The following NGLY1 variants were observed in gnomAD, a reference collection of about 807,000 sequenced individuals.
NGLY1 encodes the protein N-glycanase 1.
In NGLY1, 68 loss-of-function variants were observed where a neutral mutation model predicts 84.6. The ratio of observed to expected loss-of-function variants is 0.80; its 90% CI spans 0.66 to 0.98. The LOEUF (loss-of-function observed/expected upper bound fraction) is 0.98, where lower values mean the gene tolerates loss of function less well. NGLY1 is among the 50% of genes least tolerant of loss of function. The pLI, the probability that NGLY1 is intolerant of heterozygous loss-of-function variation, is 0.00. For synonymous variants in NGLY1, 280 were observed against 275.2 expected, an observed-to-expected ratio of 1.02 and a Z score of -0.17; for missense variants, 779 against 770.2, an observed-to-expected ratio of 1.01 and a Z score of -0.14.
chr3:25,733,485 G>A (rs1000975982), intron 8 of NGLY1, among the ~76,000 whole-genome samples: 77 of 148,290 alleles, frequency 5.2e-4, no homozygotes, highest in African/African-American at 1.7e-3. Flanking sequence ...GTGTGTGTGT[G>A]TGTGTGTGTG....
At chr3:25,740,866 G>T (rs3947578) in intron 4 of NGLY1, among the ~76,000 whole-genome samples, 2 of 151,928 alleles carry the variant, frequency 1.3e-5, no homozygotes, top group Non-Finnish European at 2.9e-5. Context: ...GCGGCTCACA[G>T]CTCTAATCCC....
chr3:25,731,238 C>T (rs1237227345), intron 9 of NGLY1, among the ~76,000 whole-genome samples: 1 of 152,028 alleles, frequency 6.6e-6, no homozygotes, highest in Non-Finnish European at 1.5e-5. Flanking sequence ...ATAAAGTTTT[C>T]ATCTGGAGAG....
intron 2 of NGLY1, among the ~76,000 whole-genome samples, chr3:25,775,710 G>A (rs1278536839): frequency 6.6e-6 from 1 of 152,188 alleles, no homozygotes; most frequent in Non-Finnish European, 1.5e-5. Flanking sequence ...AAGGGACTGG[G>A]CAATAGAAAG....
chr3:25,751,890 G>C (rs1036389539), intron 3 of NGLY1, among the ~76,000 whole-genome samples: 6 of 152,134 alleles, frequency 3.9e-5, no homozygotes, highest in African/African-American at 1.4e-4. Context: ...GTCTGCCTCT[G>C]AGCAGTAAGT....
intron 10 of NGLY1, among the ~76,000 whole-genome samples, chr3:25,725,983 A>G (rs1239429915): frequency 6.6e-6 from 1 of 152,208 alleles, no homozygotes; most frequent in African/African-American, 2.4e-5. Context: ...ATTCACCATT[A>G]CATCAGACTG....
In NGLY1 at chr3:25,783,129, A is replaced by T; in HGVS notation, c.131+131T>A. The T allele has an allele frequency of 1.2e-6, 1 of 814,436 alleles. No homozygotes were observed. The highest frequency in any genetic ancestry group is 1.9e-6 in the Non-Finnish European group (1 of 530,292). 50.5% of individuals were successfully genotyped at this position (814,436 alleles called of 1,614,324 possible). On this transcript the variant is annotated intron_variant, in intron 1 of 11. Transcript: ENST00000280700. The surrounding 1 kb of genome is among the most constrained non-coding windows in gnomAD (Gnocchi z 4.5). ...GGGCTCGGACGTTAGGAGCAGAACCAGCTCCAGGTCCCGGTCTGTCCGGGC... is the reference window on the plus strand; with the variant it reads ...GGGCTCGGACGTTAGGAGCAGAACCTGCTCCAGGTCCCGGTCTGTCCGGGC...
chr3:25,725,074 G>T (rs1457307049), intron 10 of NGLY1, among the ~76,000 whole-genome samples: 1 of 152,194 alleles, frequency 6.6e-6, no homozygotes, highest in Non-Finnish European at 1.5e-5. Context: ...AAAATGTCCT[G>T]TTCCATACCC....
At chr3:25,749,695 G>A in intron 4 of NGLY1, 4 of 1,583,962 alleles carry the variant, frequency 2.5e-6, no homozygotes, top group Non-Finnish European at 8.6e-7. Context: ...CAAAGCACAT[G>A]CTGCCCAGTG....
At chr3:25,768,295 G>C (rs567715564) in intron 2 of NGLY1, among the ~76,000 whole-genome samples, 1 of 150,568 alleles carries the variant, frequency 6.6e-6, no homozygotes, top group Admixed American at 6.6e-5. Flanking sequence ...GCATGGTGGC[G>C]GACACCTGTA....
At chr3:25,778,502 C>A in intron 2 of NGLY1, 72 bp downstream of exon 2, 1 of 772,976 alleles carries the variant, frequency 1.3e-6, no homozygotes. Context: ...CTTATTCAAA[C>A]AATTATTCAC....
chr3:25,729,393 G>C, intron 9 of NGLY1, 75 bp from the exon 10 acceptor site: 1 of 902,604 alleles, frequency 1.1e-6, no homozygotes, highest in South Asian at 4.5e-5. Context: ...TTACTAAGCA[G>C]AGTGGTAAGA....
At chr3:25,745,669 CCT>C (rs1317515483) in intron 4 of NGLY1, among the ~76,000 whole-genome samples, 1 of 152,152 alleles carries the variant, frequency 6.6e-6, no homozygotes, top group African/African-American at 2.4e-5. Context: ...TAATCTCAAC[CCT>C]CTGTTCACCC....
At chr3:25,752,818 A>G (rs1288585047) in intron 3 of NGLY1, among the ~76,000 whole-genome samples, 1 of 151,612 alleles carries the variant, frequency 6.6e-6, no homozygotes, top group African/African-American at 2.4e-5. Context: ...TAAATTAATA[A>G]GTAATATAAA....
Position 25,764,166 on chromosome 3 carries a change from C to A in NGLY1, c.392G>T (p.Ser131Ile). The A allele has an allele frequency of 6.2e-7, 1 of 1,614,158 alleles. No individual in the cohort carries two copies. The highest frequency in any genetic ancestry group is 1.1e-5 in the South Asian group (1 of 91,080). The change falls in exon 3 of 12, where the codon AGT becomes ATT. Residue 131 changes from serine to isoleucine, a missense_variant. By Grantham distance (142) the Ser-to-Ile change is moderately radical. Coordinates refer to ENST00000280700, the MANE Select transcript of NGLY1 (RefSeq NM_018297.4). Reference sequence around the variant, plus strand: ...AGATGGTGTTGTAGGAAGCTGGGTACTGGCTGCAGGTTGCTGAGATGACTT... The same window carrying A: ...AGATGGTGTTGTAGGAAGCTGGGTAATGGCTGCAGGTTGCTGAGATGACTT... ...KVKSSQQPAA[S>I]TQLPTTPSSN...
rs961750116 is a variant in NGLY1, at chr3:25,761,298, C to T, written c.492+2768G>A. ...TTTCAACCGAGATAAAGTTGTGAAG[C>T]TGGAAACATAATGCTTCTAACATTC... On this transcript the variant is annotated intron_variant, in intron 3 of 11. Coordinates refer to ENST00000280700, the MANE Select transcript of NGLY1 (RefSeq NM_018297.4). Among the ~76,000 whole-genome samples the T allele has an allele frequency of 5.3e-5, 8 of 152,038 alleles. No individual in the cohort carries two copies. The East Asian group carries it at 1.5e-3, about 29-fold the overall frequency.
chr3:25,781,517 C>A (rs932367373), intron 1 of NGLY1, among the ~76,000 whole-genome samples: 1 of 152,154 alleles, frequency 6.6e-6, no homozygotes, highest in Non-Finnish European at 1.5e-5. Context: ...GGAAAAGCAA[C>A]GCACAAAGAC....
intron 1 of NGLY1, among the ~76,000 whole-genome samples, chr3:25,778,925 CTTTTTTTTTTTT>C (rs565447910): frequency 5.5e-5 from 3 of 54,662 alleles, no homozygotes; most frequent in Non-Finnish European, 6.8e-5. Context: ...AAGATACATT[CTTTTTTTTTTTT>C]TTTTTTTTTT....
At chr3:25,719,961 C>T (rs7621293) in intron 11 of NGLY1, 53 bp downstream of exon 11, 2 of 1,471,598 alleles carry the variant, frequency 1.4e-6, no homozygotes, top group Non-Finnish European at 1.9e-6. Context: ...TACAATTAGT[C>T]TTCAGAGTGG....
intron 7 of NGLY1, chr3:25,735,593 A>C (rs1419095578): frequency 6.5e-6 from 1 of 154,570 alleles, no homozygotes; most frequent in African/African-American, 2.4e-5. Context: ...AAAATGTAAA[A>C]TGGCACAACC....
Sources: gnomAD v4.1 joint callset for allele counts (sites outside exome capture counted in the v4.1 genomes callset) on GRCh38, gnomAD v4.1.1 for gene constraint, Gnocchi (gnomAD v3.1) non-coding constraint, MANE v1.5 for transcripts, NCBI Gene and HGNC (gene_info 2026-07-23, HGNC 2026-07-21) for gene names.